The following GMDS variants were observed in gnomAD, a reference collection of about 807,000 sequenced individuals.
GMDS encodes the protein GDP-mannose 4,6 dehydratase.
In GMDS, 20 loss-of-function variants were observed where a neutral mutation model predicts 49.9. That is an observed-to-expected ratio of 0.40 (90% CI 0.28 to 0.58). The LOEUF (loss-of-function observed/expected upper bound fraction) is 0.58. Among genes scored for constraint, GMDS ranks in the 20% least tolerant of loss-of-function variants. GMDS has a pLI of 0.42. For synonymous variants in GMDS, 177 were observed against 178.6 expected (o/e 0.99, Z 0.07); for missense variants, 362 against 481.4 (o/e 0.75, Z 2.32).
At chr6:2,055,072 A>G (rs902166207) in intron 4 of GMDS, among the ~76,000 whole-genome samples, 44 of 152,158 alleles carry the variant, frequency 2.9e-4, no homozygotes, top group African/African-American at 1.1e-3. Flanking sequence ...CGACATTGTT[A>G]AGCAGCAAAT....
intron 1 of GMDS, among the ~76,000 whole-genome samples, chr6:2,201,624 G>T (rs1336568602): frequency 7.6e-6 from 1 of 131,704 alleles, no homozygotes; most frequent in Non-Finnish European, 1.6e-5. Flanking sequence ...ATGGACATCC[G>T]AGATGAAACC....
chr6:2,173,563 T>C (rs754466249), intron 1 of GMDS, among the ~76,000 whole-genome samples: 5 of 152,232 alleles, frequency 3.3e-5, no homozygotes, highest in Non-Finnish European at 7.3e-5. Flanking sequence ...CTTTGTATAA[T>C]TAATTCTGAG....
chr6:1,736,562 T>C (rs1767007877), intron 8 of GMDS, among the ~76,000 whole-genome samples: 1 of 152,184 alleles, frequency 6.6e-6, no homozygotes, highest in African/African-American at 2.4e-5. Flanking sequence ...TGACGATGAA[T>C]GAAGGTGAGT....
intron 4 of GMDS, among the ~76,000 whole-genome samples, chr6:1,975,622 T>C (rs1764855895): frequency 2.0e-5 from 3 of 152,218 alleles, no homozygotes; most frequent in Admixed American, 2.0e-4. Flanking sequence ...CTCCTAAGGC[T>C]CTAATGTTTT....
At chr6:2,005,055 A>C (rs1767071916) in intron 4 of GMDS, among the ~76,000 whole-genome samples, 1 of 152,152 alleles carries the variant, frequency 6.6e-6, no homozygotes, top group African/African-American at 2.4e-5. Context: ...GAAGTACTTA[A>C]GGGTGCTTAT....
At chr6:1,828,079 A>G (rs1771203457) in intron 7 of GMDS, among the ~76,000 whole-genome samples, 1 of 152,142 alleles carries the variant, frequency 6.6e-6, no homozygotes, top group East Asian at 1.9e-4. Context: ...CAAAATGAGA[A>G]TAACAACAAA....
At chr6:1,669,562 G>T (rs1163807904) in intron 9 of GMDS, among the ~76,000 whole-genome samples, 1 of 152,162 alleles carries the variant, frequency 6.6e-6, no homozygotes, top group African/African-American at 2.4e-5. Context: ...ATCGTCATGT[G>T]CTGAGCACTT....
Position 1,691,742 on chromosome 6 carries a change from A to G in GMDS, c.987+34674T>C, listed in dbSNP as rs547823628. 2.6e-5 allele frequency among the ~76,000 whole-genome samples: 4 copies of G among 152,328 alleles called. No individual in the cohort carries two copies. In the South Asian group the frequency reaches 8.3e-4, roughly 32 times the overall value. ...ACATACAATAAAGAGATGGCATCCTATCTGTGCTCCTATGTAAACATATCA... is the reference window on the plus strand; with the variant it reads ...ACATACAATAAAGAGATGGCATCCTGTCTGTGCTCCTATGTAAACATATCA... On this transcript the variant is annotated intron_variant, in intron 9 of 10. Coordinates refer to ENST00000380815, the MANE Select transcript of GMDS (RefSeq NM_001500.4).
At chr6:1,742,628 A>C in intron 7 of GMDS, 42 bp from the exon 8 acceptor site, 2 of 1,024,602 alleles carry the variant, frequency 2.0e-6, no homozygotes, top group South Asian at 1.3e-5. Context: ...AGTCACACTC[A>C]GTGGCCACAC....
intron 4 of GMDS, among the ~76,000 whole-genome samples, chr6:2,023,484 G>T: frequency 6.6e-6 from 1 of 152,236 alleles, no homozygotes; most frequent in Non-Finnish European, 1.5e-5. Context: ...CCCTTCAGGG[G>T]CCCTTCTGCA....
intron 9 of GMDS, among the ~76,000 whole-genome samples, chr6:1,700,979 A>G (rs9503006): frequency 0.088 from 13,344 of 152,272 alleles, 929 homozygotes; most frequent in East Asian, 0.31. Flanking sequence ...AATCCCAGGA[A>G]GCCAGCTCAG....
At chr6:1,624,330 C>G in intron 10 of GMDS, 99 bp from the exon 11 acceptor site, 12 of 1,308,638 alleles carry the variant, frequency 9.2e-6, no homozygotes, top group Non-Finnish European at 1.3e-5. Context: ...CCGCGTCCCT[C>G]GTTCCAGCTC....
At position 2,034,087 on chromosome 6, in the gene GMDS, T is replaced by C. The variant is rs370753469; in HGVS notation, c.346-73121A>G. Among the ~76,000 whole-genome samples the C allele has an allele frequency of 2.0e-5, 3 of 152,308 alleles. No homozygotes were observed. The East Asian group carries it at 5.8e-4, about 29-fold the overall frequency. On this transcript the variant is annotated intron_variant, in intron 4 of 10. Transcript: ENST00000380815. The stretch of plus-strand genomic sequence containing the variant: ...AGGTATTTAATGATAAATAGATATA[T>C]GTATATGCATATATGTGTGTGTATA...
chr6:1,816,791 CCTT>C (rs1370305903), intron 7 of GMDS, among the ~76,000 whole-genome samples: 11 of 151,642 alleles, frequency 7.3e-5, no homozygotes, highest in South Asian at 6.3e-4. Flanking sequence ...TTGTTTTTCT[CCTT>C]CTTCTTCTTT....
At chr6:1,982,589 G>A (rs140127074) in intron 4 of GMDS, among the ~76,000 whole-genome samples, 347 of 152,076 alleles carry the variant, frequency 2.3e-3, no homozygotes, top group African/African-American at 8.2e-3. Context: ...ACCACACGCA[G>A]GCTGAGAGCA....
chr6:1,642,112 G>A (rs1004211871), intron 9 of GMDS, among the ~76,000 whole-genome samples: 13 of 149,876 alleles, frequency 8.7e-5, no homozygotes, highest in Admixed American at 4.6e-4. Context: ...TAAGGGGAGC[G>A]CAGCAAGCCT....
chr6:1,759,595 T>A (rs1768083407), intron 7 of GMDS, among the ~76,000 whole-genome samples: 2 of 152,230 alleles, frequency 1.3e-5, no homozygotes, highest in African/African-American at 4.8e-5. Context: ...TGCCTGCTAG[T>A]TGCTGGGCAC....
intron 4 of GMDS, among the ~76,000 whole-genome samples, chr6:1,987,626 A>G (rs1350261650): frequency 6.6e-6 from 1 of 152,226 alleles, no homozygotes; most frequent in Non-Finnish European, 1.5e-5. Flanking sequence ...AATATATAGT[A>G]AGTTCAATAG....
intron 4 of GMDS, among the ~76,000 whole-genome samples, chr6:2,079,019 CTTTTTTTT>C (rs386405902): frequency 6.2e-4 from 21 of 33,988 alleles, no homozygotes; most frequent in Middle Eastern, 0.036. Context: ...ATGACCTTGT[CTTTTTTTT>C]TTTTTTTTTT....
Sources: allele counts gnomAD v4.1 joint callset (sites outside exome capture counted in the v4.1 genomes callset), GRCh38; gene constraint gnomAD v4.1.1; transcripts MANE v1.5; gene names NCBI Gene and HGNC (gene_info 2026-07-23, HGNC 2026-07-21).